The following STS variants were observed in gnomAD, a reference collection of about 807,000 sequenced individuals.
STS encodes the protein steroid sulfatase.
Under a neutral mutation model 26.8 loss-of-function variants are expected in STS, and 7 were observed. The observed-to-expected ratio is 0.26, with a 90% CI of 0.15 to 0.49. The LOEUF (loss-of-function observed/expected upper bound fraction) is 0.49, where lower values mean the gene tolerates loss of function less well. STS is among the 20% of genes least tolerant of loss of function. The pLI is 0.98. For missense variants in STS, 434 were observed against 465.6 expected, an observed-to-expected ratio of 0.93 and a Z score of 0.63; for synonymous variants, 199 against 189.4, an observed-to-expected ratio of 1.05 and a Z score of -0.42.
rs1277546904 is a variant in STS at position 7,262,609 on chromosome X, A to T, written c.806+2837A>T. Among the ~76,000 whole-genome samples the T allele has an allele frequency of 2.7e-5, 3 of 112,438 alleles. No homozygotes were observed. In the Admixed American group the frequency reaches 2.8e-4, roughly 11 times the overall value. ...AGAAGCTAAGTATGTCAGAGGGATA[A>T]AAGTTGCAGTGCTTGGGTGAACCTG... On this transcript the variant is annotated intron_variant, in intron 6 of 10. Transcript: ENST00000674429.
intron 1 of STS, among the ~76,000 whole-genome samples, chrX:7,179,323 T>C (rs1391287697): frequency 9.0e-6 from 1 of 111,108 alleles, no homozygotes; most frequent in Admixed American, 9.6e-5. Context: ...CTTTCTCTAG[T>C]CCTTCTCATG....
At chrX:7,274,541 G>A (rs566716810) in intron 6 of STS, among the ~76,000 whole-genome samples, 37 of 112,216 alleles carry the variant, frequency 3.3e-4, no homozygotes, top group African/African-American at 1.1e-3. Context: ...AGGGCAACCC[G>A]ATGTGAAGAA....
chrX:7,215,136 C>T (rs865817703), intron 2 of STS, among the ~76,000 whole-genome samples: 37 of 83,681 alleles, frequency 4.4e-4, no homozygotes, highest in East Asian at 1.1e-3. Context: ...CACACACACA[C>T]ACATATATAT....
rs184155769 is a variant in STS at position 7,296,436 on chromosome X, A to G, written c.944-8610A>G. ...ACTTTGAACTCTGCTCTTTCAAAAC[A>G]TGTCCTGCTAGTCTGAATGCCCATG... On this transcript the variant is annotated intron_variant, in intron 7 of 10. Coordinates refer to ENST00000674429, the MANE Select transcript of STS (RefSeq NM_001320752.2). Among the ~76,000 whole-genome samples, 614 of 112,267 alleles carry G rather than the reference A, an allele frequency of 5.5e-3. 6 individuals carry two copies. Among genetic ancestry groups the G allele is most frequent in the African/African-American group, 0.019 (596 of 30,954 alleles).
At chrX:7,148,137 G>C (rs927188071) in intron 1 of STS, 54 bp downstream of exon 1, 16 of 1,087,425 alleles carry the variant, frequency 1.5e-5, no homozygotes, top group South Asian at 4.2e-5. Flanking sequence ...GGGTCTGGGT[G>C]GGGGCGAGGA....
Position 7,259,898 on chromosome X carries a change from C to T in STS, c.806+126C>T. ...TTGTGGTTTGTTCGTTTTTTTGAGA[C>T]AGAGTCTTGCTCTGTCGCCCAGGCT... On this transcript the variant is annotated intron_variant, in intron 6 of 10. Transcript: ENST00000674429. 3.4e-6 allele frequency: 3 copies of T among 886,655 alleles called. No individual in the cohort carries two copies. In the East Asian group the frequency reaches 1.0e-4, roughly 29 times the overall value. The allele number at this position is 886,655 out of a possible 1,213,427, so 73.1% of individuals were successfully genotyped here.
Position 7,215,116 on chromosome X carries a change from T to C in STS, c.-5+24108T>C, listed in dbSNP as rs551252818. ...ATATGTGTATATATATACACATATA[T>C]ACACACACACACACACACACACATA... On this transcript the variant is annotated intron_variant, in intron 2 of 10. Transcript: ENST00000674429. Among the ~76,000 whole-genome samples the C allele has an allele frequency of 4.9e-3, 398 of 80,807 alleles. 1 individual carries two copies. Among genetic ancestry groups the C allele is most frequent in the African/African-American group, 0.014 (286 of 21,168 alleles). The allele number at this position is 80,807 out of a possible 115,157, so 70.2% of individuals were successfully genotyped here. A position where few individuals can be genotyped will look rare whatever the true frequency, so the allele number is the denominator to read the frequency against.
intron 2 of STS, chrX:7,219,373 G>A (rs763930165): frequency 5.0e-6 from 5 of 999,195 alleles, no homozygotes; most frequent in African/African-American, 3.9e-5. Flanking sequence ...TGAAGAATCC[G>A]GTTTACCAGG....
At chrX:7,291,174 C>A (rs1925397603) in intron 7 of STS, among the ~76,000 whole-genome samples, 1 of 111,622 alleles carries the variant, frequency 9.0e-6, no homozygotes, top group Non-Finnish European at 1.9e-5. Context: ...TGAAGAGTCA[C>A]TTCTCCAACA....
chrX:7,309,991 T>G (rs762104182), intron 8 of STS, among the ~76,000 whole-genome samples: 2 of 112,248 alleles, frequency 1.8e-5, no homozygotes, highest in African/African-American at 6.5e-5. Context: ...CTGAGACCCT[T>G]CTAAAATAAA....
intron 6 of STS, among the ~76,000 whole-genome samples, chrX:7,265,533 T>A (rs1183432796): frequency 8.9e-6 from 1 of 112,366 alleles, no homozygotes; most frequent in Non-Finnish European, 1.9e-5. Flanking sequence ...TGATTATCTC[T>A]AATTATTAGA....
chrX:7,215,838 C>T (rs1444147924), intron 2 of STS, among the ~76,000 whole-genome samples: 4 of 111,749 alleles, frequency 3.6e-5, no homozygotes, highest in Non-Finnish European at 7.5e-5. Context: ...AGGGATGAGC[C>T]GTCTTCCTCC....
At chrX:7,190,077 G>A (rs1483802137) in intron 1 of STS, among the ~76,000 whole-genome samples, 1 of 110,716 alleles carries the variant, frequency 9.0e-6, no homozygotes, top group Non-Finnish European at 1.9e-5. Flanking sequence ...TGATTCAAGT[G>A]TGTCACATTT....
chrX:7,252,372 C>T, intron 2 of STS: 1 of 625,711 alleles, frequency 1.6e-6, no homozygotes, highest in Non-Finnish European at 1.9e-6. Context: ...CCACACTGCA[C>T]ACCTACCTGC....
Position 7,256,696 on chromosome X carries a change from T to C in STS, c.138-546T>C, listed in dbSNP as rs1006742536. ...CCCTGCAGTATCCTATTTCAAAGAC[T>C]TGGTTTCTCTCTTCTAATTCAGGGC... On this transcript the variant is annotated intron_variant, in intron 3 of 10. Coordinates refer to ENST00000674429, the MANE Select transcript of STS (RefSeq NM_001320752.2). Among the ~76,000 whole-genome samples the C allele has an allele frequency of 1.1e-4, 12 of 111,653 alleles. No homozygotes were observed. The South Asian group carries it at 1.1e-3, about 11-fold the overall frequency.
At chrX:7,254,665 T>A (rs1923317259) in intron 3 of STS, among the ~76,000 whole-genome samples, 1 of 99,682 alleles carries the variant, frequency 1.0e-5, no homozygotes, top group South Asian at 5.9e-4. Flanking sequence ...ATCACTGCAA[T>A]CTCTGCCTAC....
chrX:7,276,860 A>T (rs932451932), intron 7 of STS, among the ~76,000 whole-genome samples: 1 of 112,197 alleles, frequency 8.9e-6, no homozygotes, highest in African/African-American at 3.2e-5. Context: ...TTTCACTGAC[A>T]TTGGGAAGAC....
chrX:7,256,712 A>G (rs1469673596), intron 3 of STS, among the ~76,000 whole-genome samples: 1 of 111,485 alleles, frequency 9.0e-6, no homozygotes, highest in Non-Finnish European at 1.9e-5. Flanking sequence ...TCTCTCTTCT[A>G]ATTCAGGGCT....
At chrX:7,186,059 C>T (rs1421155580) in intron 1 of STS, among the ~76,000 whole-genome samples, 3 of 111,938 alleles carry the variant, frequency 2.7e-5, no homozygotes, top group Non-Finnish European at 3.8e-5. Flanking sequence ...TTTATTCAGT[C>T]GTAAAAGCCA....
Sources: allele counts gnomAD v4.1 joint callset (sites outside exome capture counted in the v4.1 genomes callset), GRCh38; gene constraint gnomAD v4.1.1; transcripts MANE v1.5; gene names NCBI Gene and HGNC (gene_info 2026-07-23, HGNC 2026-07-21).